APBB2: variants seen among roughly 807,000 people sequenced by gnomAD.
The protein encoded by APBB2 is amyloid beta precursor protein binding family B member 2, also known as Fe65-like 1.
A neutral mutation model predicts 82.5 loss-of-function variants in APBB2; 38 were observed. The ratio of observed to expected loss-of-function variants is 0.46; its 90% CI spans 0.36 to 0.60. The LOEUF (loss-of-function observed/expected upper bound fraction) is 0.60. APBB2 is among the 20% of genes least tolerant of loss of function. The pLI, the probability that APBB2 is intolerant of heterozygous loss-of-function variation, is 0.00. For missense variants in APBB2, 772 were observed against 972.3 expected (o/e 0.79, Z 2.74); for synonymous variants, 341 against 368.2 (o/e 0.93, Z 0.85).
At chr4:40,861,906 T>C (rs1372418217) in intron 12 of APBB2, among the ~76,000 whole-genome samples, 2 of 152,186 alleles carry the variant, frequency 1.3e-5, no homozygotes, top group South Asian at 4.1e-4. Flanking sequence ...TGGAAACTGA[T>C]CACCCAACTT....
chr4:40,899,438 A>G (rs1774633764), intron 10 of APBB2, among the ~76,000 whole-genome samples: 1 of 151,888 alleles, frequency 6.6e-6, no homozygotes, highest in Non-Finnish European at 1.5e-5. Flanking sequence ...TAATACAGCC[A>G]TCTACCTGCA....
chr4:40,859,266 C>CTCA (rs1306362043), intron 12 of APBB2, among the ~76,000 whole-genome samples: 2 of 150,778 alleles, frequency 1.3e-5, no homozygotes, highest in Non-Finnish European at 3.0e-5. Context: ...CAGCCAACAT[C>CTCA]TCATCAGGAG....
At chr4:41,066,989 A>C (rs1163581578) in intron 3 of APBB2, among the ~76,000 whole-genome samples, 3 of 152,206 alleles carry the variant, frequency 2.0e-5, no homozygotes, top group Admixed American at 2.0e-4. Context: ...GGAGAGAAGA[A>C]TTAGTACTTG....
At chr4:40,945,163 G>C in intron 6 of APBB2, 90 bp from the exon 7 acceptor site, 2 of 923,964 alleles carry the variant, frequency 2.2e-6, no homozygotes, top group Non-Finnish European at 3.4e-6. Flanking sequence ...CCCAAAGGCA[G>C]ACGTGTCCAT....
chr4:41,004,829 C>G, intron 6 of APBB2, among the ~76,000 whole-genome samples: 1 of 90,946 alleles, frequency 1.1e-5, no homozygotes, highest in East Asian at 3.7e-4. Context: ...ACAGCGAGAC[C>G]CCATCTCAAA....
chr4:40,863,972 A>G (rs1364370722), intron 12 of APBB2, among the ~76,000 whole-genome samples: 4 of 150,802 alleles, frequency 2.7e-5, no homozygotes, highest in Non-Finnish European at 5.9e-5. Context: ...TTAAAGCACC[A>G]TGTAGGCTGG....
intron 10 of APBB2, among the ~76,000 whole-genome samples, chr4:40,921,285 T>C (rs1178235785): frequency 1.3e-5 from 2 of 152,222 alleles, no homozygotes; most frequent in African/African-American, 2.4e-5. Context: ...GCCTGCCTCC[T>C]TGGGTTCAAA....
intron 5 of APBB2, among the ~76,000 whole-genome samples, chr4:41,022,759 G>T (rs1354432586): frequency 6.6e-6 from 1 of 152,144 alleles, no homozygotes; most frequent in Non-Finnish European, 1.5e-5. Context: ...AAAGGCAAGT[G>T]TTTCAATTAA....
At position 41,178,841 on chromosome 4, in the gene APBB2, T is replaced by C. The variant is rs1322560661; in HGVS notation, c.-417+35564A>G. Among the ~76,000 whole-genome samples the C allele has an allele frequency of 4.6e-5, 7 of 152,242 alleles. No homozygotes were observed. In the East Asian group the frequency reaches 1.3e-3, roughly 29 times the overall value. ...GTCTAGGGTTCCTTTCAGAACATTC[T>C]GCTGCCTGGGTTAAATCCAATACAA... is the stretch of plus-strand genomic sequence containing the variant. On this transcript the variant is annotated intron_variant, in intron 1 of 17. Coordinates refer to ENST00000508593, the MANE Select transcript of APBB2 (RefSeq NM_004307.2).
intron 6 of APBB2, among the ~76,000 whole-genome samples, chr4:40,953,395 C>A (rs1157211585): frequency 6.6e-6 from 1 of 151,526 alleles, no homozygotes; most frequent in Non-Finnish European, 1.5e-5. Flanking sequence ...GACAACATAA[C>A]CAAACAATGG....
chr4:40,950,930 T>C (rs965351342), intron 6 of APBB2, among the ~76,000 whole-genome samples: 1 of 152,114 alleles, frequency 6.6e-6, no homozygotes, highest in Non-Finnish European at 1.5e-5. Context: ...AAATGAGCTA[T>C]ACACAACAAT....
Position 41,004,814 on chromosome 4 carries a change from G to A in APBB2, c.835+8769C>T, listed in dbSNP as rs1304563188. Among the ~76,000 whole-genome samples the A allele has an allele frequency of 4.5e-5, 5 of 111,560 alleles. No homozygotes were observed. The Admixed American group carries it at 5.5e-4, about 12-fold the overall frequency. 73.2% of individuals were successfully genotyped at this position (111,560 alleles called of 152,430 possible). On this transcript the variant is annotated intron_variant, in intron 6 of 17. Coordinates refer to ENST00000508593, the MANE Select transcript of APBB2 (RefSeq NM_004307.2). ...ATCGTGCCACTGCACTCCAGCCTGG[G>A]CGACACAGCGAGACCCCATCTCAAA...
intron 2 of APBB2, among the ~76,000 whole-genome samples, chr4:41,108,211 C>A (rs1747938669): frequency 6.6e-6 from 1 of 152,144 alleles, no homozygotes; most frequent in South Asian, 2.1e-4. Context: ...CCTTATACAG[C>A]AGACTGGTCA....
In APBB2 at chr4:40,832,059, C is replaced by CACACATA. The variant is rs1553930149; in HGVS notation, c.1530-1483_1530-1482insTATGTGT. ...ACACACACACACACACACATATACA[C>CACACATA]CAAGCTTTACCCATCTAGGAATGGA... On this transcript the variant is annotated intron_variant, in intron 12 of 17. Transcript: ENST00000508593. The surrounding 1 kb of genome is among the most constrained non-coding windows in gnomAD (Gnocchi z 4.8). Among the ~76,000 whole-genome samples the CACACATA allele has an allele frequency of 6.7e-6, 1 of 149,806 alleles. No homozygotes were observed. Among genetic ancestry groups the CACACATA allele is most frequent in the African/African-American group, 2.5e-5 (1 of 40,708 alleles).
intron 6 of APBB2, among the ~76,000 whole-genome samples, chr4:40,951,058 T>C (rs1314955337): frequency 3.3e-5 from 5 of 152,110 alleles, no homozygotes; most frequent in African/African-American, 1.2e-4. Context: ...ATGTAGATGG[T>C]AAAACTATAA....
intron 4 of APBB2, among the ~76,000 whole-genome samples, chr4:41,061,277 T>C (rs967097976): frequency 1.3e-5 from 2 of 152,258 alleles, no homozygotes; most frequent in Admixed American, 6.5e-5. Context: ...CATGTGTTGC[T>C]GAACAACAGA....
chr4:41,063,842 C>G (rs1730684960), intron 4 of APBB2, among the ~76,000 whole-genome samples: 1 of 151,400 alleles, frequency 6.6e-6, no homozygotes, highest in Admixed American at 6.6e-5. Flanking sequence ...CCATACCTGG[C>G]TAATTTTTGT....
Position 40,847,946 on chromosome 4 carries a change from A to G in APBB2, c.1530-17369T>C, listed in dbSNP as rs1365940332. Reference sequence around the variant, plus strand: ...CTCAACCTCCCAAGTAGCGGGGGCTATAGGTGTTTGCCATCATACCCGGCT... The same window carrying G: ...CTCAACCTCCCAAGTAGCGGGGGCTGTAGGTGTTTGCCATCATACCCGGCT... On this transcript the variant is annotated intron_variant, in intron 12 of 17. Coordinates refer to ENST00000508593, the MANE Select transcript of APBB2 (RefSeq NM_004307.2). Among the ~76,000 whole-genome samples, 6 of 152,194 alleles carry G rather than the reference A, an allele frequency of 3.9e-5. No individual in the cohort carries two copies. The South Asian group carries it at 8.3e-4, about 21-fold the overall frequency.
intron 2 of APBB2, among the ~76,000 whole-genome samples, chr4:41,114,995 A>G (rs1750505805): frequency 1.3e-5 from 2 of 152,236 alleles, no homozygotes; most frequent in African/African-American, 4.8e-5. Context: ...ATGGAACCAA[A>G]AAAGAGCCCG....
Sources: allele counts gnomAD v4.1 joint callset (sites outside exome capture counted in the v4.1 genomes callset), GRCh38; gene constraint gnomAD v4.1.1; non-coding constraint Gnocchi (gnomAD v3.1); transcripts MANE v1.5; gene names NCBI Gene and HGNC (gene_info 2026-07-23, HGNC 2026-07-21).